The following DFFB variants were observed in gnomAD, a reference collection of about 807,000 sequenced individuals.
The protein encoded by DFFB is DNA fragmentation factor subunit beta.
In DFFB, 29 loss-of-function variants were observed where a neutral mutation model predicts 32.7. The ratio of observed to expected loss-of-function variants is 0.89; its 90% CI spans 0.66 to 1.21. The LOEUF is 1.21. Among genes scored for constraint, DFFB ranks in the 50% most tolerant of loss-of-function variants. The probability of loss-of-function intolerance (pLI) is 0.00; values close to 1 mark genes in which losing one functional copy is unlikely to be tolerated. For synonymous variants in DFFB, 170 were observed against 177.1 expected, an observed-to-expected ratio of 0.96 and a Z score of 0.32; for missense variants, 398 against 440.6, an observed-to-expected ratio of 0.90 and a Z score of 0.87.
intron 6 of DFFB, 50 bp downstream of exon 6, chr1:3,872,622 T>G: frequency 6.6e-7 from 1 of 1,509,220 alleles, no homozygotes; most frequent in Non-Finnish European, 9.2e-7. Context: ...CAGGGCCCTG[T>G]CCCTGCCGTG....
At chr1:3,864,281 T>C (rs1253231182) in intron 2 of DFFB, among the ~76,000 whole-genome samples, 2 of 151,814 alleles carry the variant, frequency 1.3e-5, no homozygotes, top group African/African-American at 4.8e-5. Flanking sequence ...TTGTACACTT[T>C]AAATGGGTGA....
In DFFB at chr1:3,865,762, G is replaced by T. The variant is rs1359577431; in HGVS notation, c.242-50G>T. 1.2e-6 allele frequency: 2 copies of T among 1,614,020 alleles called. No homozygotes were observed. The highest frequency in any genetic ancestry group is 8.5e-7 in the Non-Finnish European group (1 of 1,179,950). On this transcript the variant is annotated intron_variant, in intron 2 of 6. Coordinates refer to ENST00000378209, the MANE Select transcript of DFFB (RefSeq NM_004402.4). This position sits in a 1 kb window ranked among gnomAD's most constrained non-coding sequence, Gnocchi z 4.7. ...GAGGCTCTTCTTGTGACCGGGGCAG[G>T]ATGTGTCTTCTGCTGGACCGGCACC...
At chr1:3,861,007 T>A (rs752601175) in intron 2 of DFFB, among the ~76,000 whole-genome samples, 2 of 151,874 alleles carry the variant, frequency 1.3e-5, no homozygotes, top group Non-Finnish European at 2.9e-5. Flanking sequence ...ATACAAAAAT[T>A]AGCTGGGCAT....
intron 6 of DFFB, among the ~76,000 whole-genome samples, chr1:3,877,550 G>A (rs1401059146): frequency 6.6e-6 from 1 of 151,850 alleles, no homozygotes; most frequent in African/African-American, 2.4e-5. Context: ...AGCTGGTCTC[G>A]AACTTCTGAC....
intron 6 of DFFB, among the ~76,000 whole-genome samples, chr1:3,883,198 T>G (rs1645376663): frequency 6.6e-6 from 1 of 151,982 alleles, no homozygotes; most frequent in South Asian, 2.1e-4. Context: ...AGAGATGGGG[T>G]TTCACTATGT....
intron 5 of DFFB, among the ~76,000 whole-genome samples, chr1:3,871,277 A>T (rs950540949): frequency 6.6e-6 from 1 of 150,498 alleles, no homozygotes; most frequent in Non-Finnish European, 1.5e-5. Context: ...CTGATTCCAA[A>T]GGCAGAGCTT....
In DFFB at chr1:3,884,577, T is replaced by TG. The variant is rs1557734627; in HGVS notation, c.*836_*837insG. ...AAGGACATTCACTGCTGATTTTTTT[T>TG]TTTGTTTGTTTGAGACAGGGTCTCA... On this transcript the variant is annotated 3_prime_UTR_variant, in exon 7 of 7. Coordinates refer to ENST00000378209, the MANE Select transcript of DFFB (RefSeq NM_004402.4). The TG allele has an allele frequency of 6.6e-6, 1 of 152,044 alleles. No individual in the cohort carries two copies. Among genetic ancestry groups the TG allele is most frequent in the Non-Finnish European group, 1.5e-5 (1 of 68,022 alleles). 9.4% of individuals were successfully genotyped at this position (152,044 alleles called of 1,614,324 possible).
At position 3,885,124 on chromosome 1, in the gene DFFB, G is replaced by A. The variant is rs541834829; in HGVS notation, c.*1383G>A. 2 of 152,214 alleles carry A rather than the reference G, an allele frequency of 1.3e-5. No individual in the cohort carries two copies. The highest frequency in any genetic ancestry group is 1.5e-5 in the Non-Finnish European group (1 of 68,042). 9.4% of individuals were successfully genotyped at this position (152,214 alleles called of 1,614,324 possible). On this transcript the variant is annotated 3_prime_UTR_variant, in exon 7 of 7. Coordinates refer to ENST00000378209, the MANE Select transcript of DFFB (RefSeq NM_004402.4). ...CAGCTGAACCCTGCTCCGTTGGTCA[G>A]CGTTACTATCATCTCGGATCATATG...
At chr1:3,877,328 G>GTT (rs5772128) in intron 6 of DFFB, among the ~76,000 whole-genome samples, 1,222 of 113,798 alleles carry the variant, frequency 0.011, 67 homozygotes, top group Non-Finnish European at 0.014. Context: ...TGGGAGTTCA[G>GTT]TTTTTTTTTT....
At chr1:3,876,237 C>T (rs12734459) in intron 6 of DFFB, among the ~76,000 whole-genome samples, 4 of 152,224 alleles carry the variant, frequency 2.6e-5, no homozygotes, top group Middle Eastern at 3.4e-3. Context: ...GTTTTCTCCC[C>T]GCCATCCAAA....
At chr1:3,860,462 C>CA (rs1373385627) in intron 2 of DFFB, 1 of 444,334 alleles carries the variant, frequency 2.3e-6, no homozygotes. Flanking sequence ...CTCCTGGGCT[C>CA]AAGCTGTCCT....
chr1:3,865,805 G>C lies in DFFB; in HGVS notation c.242-7G>C. ...CCGGCACCTTTTGTTTGTCCCATTG[G>C]TGGCAGATGTGAGCGACATCAGGCG... On this transcript the variant is annotated splice_region_variant and splice_polypyrimidine_tract_variant and intron_variant, in intron 2 of 6. Coordinates refer to ENST00000378209, the MANE Select transcript of DFFB (RefSeq NM_004402.4). This position sits in a 1 kb window ranked among gnomAD's most constrained non-coding sequence, Gnocchi z 4.7. 1.2e-6 allele frequency: 2 copies of C among 1,614,122 alleles called. No individual in the cohort carries two copies. The highest frequency in any genetic ancestry group is 8.5e-7 in the Non-Finnish European group (1 of 1,180,038).
At chr1:3,871,654 G>A (rs1313431005) in intron 5 of DFFB, among the ~76,000 whole-genome samples, 1 of 152,204 alleles carries the variant, frequency 6.6e-6, no homozygotes, top group Non-Finnish European at 1.5e-5. Flanking sequence ...CCCACGGGGT[G>A]CGTCTCTCAG....
chr1:3,876,399 G>T (rs1257885549), intron 6 of DFFB, among the ~76,000 whole-genome samples: 1 of 152,116 alleles, frequency 6.6e-6, no homozygotes, highest in African/African-American at 2.4e-5. Context: ...TTCACCAAGT[G>T]TTTGCTGCGG....
At position 3,865,934 on chromosome 1, in the gene DFFB, C is replaced by A; in HGVS notation, c.364C>A (p.Leu122Ile). 6.2e-7 allele frequency: 1 copy of A among 1,608,544 alleles called. No individual in the cohort carries two copies. The highest frequency in any genetic ancestry group is 1.1e-5 in the South Asian group (1 of 90,768). Residue 122 changes from leucine to isoleucine, a missense_variant, in exon 3 of 7, where the codon CTC (leucine) becomes ATC (isoleucine). Physicochemically the swap from Leu to Ile is conservative, Grantham distance 5. Coordinates refer to ENST00000378209, the MANE Select transcript of DFFB (RefSeq NM_004402.4). This position sits in a 1 kb window ranked among gnomAD's most constrained non-coding sequence, Gnocchi z 4.7. ...ACAGAGGCAGAGGCTGCTGGCTGAC[C>A]TCCTGCACAACGTCAGCCAGAACAT... ...APQRQRLLAD[L>I]LHNVSQNIAA...
intron 2 of DFFB, among the ~76,000 whole-genome samples, chr1:3,859,125 A>C (rs1228940938): frequency 2.6e-5 from 4 of 152,092 alleles, no homozygotes; most frequent in Admixed American, 2.6e-4. Flanking sequence ...AGCAATTCCC[A>C]AGAGCAGAGG....
intron 1 of DFFB, among the ~76,000 whole-genome samples, chr1:3,858,062 C>A (rs10909806): frequency 0.9 from 136,785 of 152,212 alleles, 62,071 homozygotes; most frequent in Middle Eastern, 0.96. Flanking sequence ...CCTTGAGTAA[C>A]ATGAAAGGCT....
chr1:3,865,654 A>C lies in DFFB; in HGVS notation c.242-158A>C. 8.9e-7 allele frequency: 1 copy of C among 1,128,588 alleles called. No individual in the cohort carries two copies. The highest frequency in any genetic ancestry group is 1.3e-6 in the Non-Finnish European group (1 of 742,318). 69.9% of individuals were successfully genotyped at this position (1,128,588 alleles called of 1,614,324 possible). A position where few individuals can be genotyped will look rare whatever the true frequency, so the allele number is the denominator to read the frequency against. ...TGCGTGGTCCCCAGCTGTTGGTGTC[A>C]GGGCAAGGACAAAGACCCGGGACAC... On this transcript the variant is annotated intron_variant, in intron 2 of 6. Transcript: ENST00000378209. The surrounding 1 kb of genome is among the most constrained non-coding windows in gnomAD (Gnocchi z 4.7).
At chr1:3,875,573 C>T (rs1235226504) in intron 6 of DFFB, among the ~76,000 whole-genome samples, 1 of 152,140 alleles carries the variant, frequency 6.6e-6, no homozygotes, top group Admixed American at 6.5e-5. Flanking sequence ...TTTCCCAACC[C>T]GATAGGTGAG....
Sources: allele counts gnomAD v4.1 joint callset (sites outside exome capture counted in the v4.1 genomes callset), GRCh38; gene constraint gnomAD v4.1.1; non-coding constraint Gnocchi (gnomAD v3.1); transcripts MANE v1.5; gene names NCBI Gene and HGNC (gene_info 2026-07-23, HGNC 2026-07-21).